SAMD4B: variants seen among roughly 807,000 people sequenced by gnomAD.
SAMD4B encodes the protein protein Smaug homolog 2.
Under a neutral mutation model 74.5 loss-of-function variants are expected in SAMD4B, and 5 were observed. That is an observed-to-expected ratio of 0.07 (90% CI 0.04 to 0.14). The LOEUF (loss-of-function observed/expected upper bound fraction) is 0.14. Among genes scored for constraint, SAMD4B ranks in the 10% least tolerant of loss-of-function variants. The probability of loss-of-function intolerance (pLI) is 1.00; values close to 1 mark genes in which losing one functional copy is unlikely to be tolerated. For missense variants in SAMD4B, 608 were observed against 921.8 expected (o/e 0.66, Z 4.41); for synonymous variants, 373 against 374.9 (o/e 1.00, Z 0.06).
intron 3 of SAMD4B, among the ~76,000 whole-genome samples, chr19:39,368,084 G>A (rs1050440796): frequency 2.0e-5 from 3 of 151,888 alleles, no homozygotes; most frequent in African/African-American, 7.2e-5. Flanking sequence ...CGTGGTGGTG[G>A]GCGCCTGTAG....
downstream of SAMD4B, chr19:39,390,087 T>C: frequency 6.2e-7 from 1 of 1,612,970 alleles, no homozygotes; most frequent in Non-Finnish European, 8.5e-7. Flanking sequence ...GTCGAAGGGG[T>C]AGGTGATGAA....
At chr19:39,345,980 G>C (rs1392754034) in intron 1 of SAMD4B, among the ~76,000 whole-genome samples, 6 of 151,884 alleles carry the variant, frequency 4.0e-5, no homozygotes, top group Admixed American at 3.9e-4. Flanking sequence ...CAAGTCCTTT[G>C]CCTGGTGACC....
chr19:39,386,489 C>G (rs962280800), downstream of SAMD4B: 1 of 1,614,052 alleles, frequency 6.2e-7, no homozygotes. The surrounding 1 kb of genome is among the most constrained non-coding windows in gnomAD (Gnocchi z 6.1). Flanking sequence ...TACCTGAGCC[C>G]CCAGCTTCTT....
intron 12 of SAMD4B, among the ~76,000 whole-genome samples, chr19:39,381,735 A>G (rs1208604480): frequency 6.6e-6 from 1 of 152,196 alleles, no homozygotes; most frequent in African/African-American, 2.4e-5. Flanking sequence ...GTTTGAGACC[A>G]GTCTGGACAA....
chr19:39,381,966 A>C (rs2078017888), intron 12 of SAMD4B, among the ~76,000 whole-genome samples: 1 of 152,210 alleles, frequency 6.6e-6, no homozygotes, highest in Non-Finnish European at 1.5e-5. Context: ...AAGGAAGATT[A>C]GAGACTTGCT....
chr19:39,370,245 T>G, intron 4 of SAMD4B, 120 bp downstream of exon 4: 1 of 938,430 alleles, frequency 1.1e-6, no homozygotes, highest in African/African-American at 1.6e-5. Flanking sequence ...GCCTCAACTT[T>G]ATGAGGCAAT....
At chr19:39,363,324 C>T (rs144389532) in intron 3 of SAMD4B, among the ~76,000 whole-genome samples, 141 of 152,304 alleles carry the variant, frequency 9.3e-4, no homozygotes, top group African/African-American at 3.2e-3. Flanking sequence ...TCCCCAGCCC[C>T]TTCCCCCATC....
chr19:39,358,195 C>T (rs773766800), intron 3 of SAMD4B, among the ~76,000 whole-genome samples: 21 of 152,124 alleles, frequency 1.4e-4, no homozygotes, highest in Non-Finnish European at 2.2e-4. Context: ...CGCTTGAACC[C>T]GGGAGGCGGA....
intron 10 of SAMD4B, 102 bp from the exon 11 acceptor site, chr19:39,380,485 T>A (rs545508124): frequency 1.2e-5 from 15 of 1,221,252 alleles, no homozygotes; most frequent in Admixed American, 8.5e-5. Context: ...TGGAGGTTTA[T>A]GTTCTCTCCT....
downstream of SAMD4B, chr19:39,390,692 C>T: frequency 9.8e-7 from 1 of 1,018,108 alleles, no homozygotes; most frequent in African/African-American, 1.6e-5. Flanking sequence ...CAGAAGGAAC[C>T]CGCCCCCTTC....
rs2077190316 is a variant in SAMD4B at position 39,369,992 on chromosome 19, T to C, written c.534T>C (p.Pro178=). The C allele has an allele frequency of 1.2e-6, 2 of 1,613,164 alleles. No homozygotes were observed. The highest frequency in any genetic ancestry group is 1.7e-5 in the Admixed American group (1 of 59,898). The change falls in exon 4 of 14, where the codon CCT becomes CCC. Residue 178 remains proline (P), a synonymous_variant. Coordinates refer to ENST00000610417, the MANE Select transcript of SAMD4B (RefSeq NM_001384574.2). ...AAGGCTCAGATGAGTGGGGGGGCCC[T>C]GCAGAGCTAGGCCCTGGGGAGGCAG... ...SRQGSDEWGG[P]AELGPGEAGP...
chr19:39,361,028 C>T (rs965154185), intron 3 of SAMD4B, among the ~76,000 whole-genome samples: 12 of 152,122 alleles, frequency 7.9e-5, no homozygotes, highest in South Asian at 4.1e-4. Flanking sequence ...CTGGGTCAGT[C>T]CTGCCTGACC....
At position 39,380,627 on chromosome 19, in the gene SAMD4B, G is replaced by C. The variant is rs1262744447; in HGVS notation, c.1690G>C (p.Val564Leu). Reference protein sequence around the residue: ...GSNSLPIAGSVGMGVARRTQR... With the variant: ...GSNSLPIAGSLGMGVARRTQR... ...CAACTCGCTCCCCATAGCTGGCTCT[G>C]TGGGGATGGGAGTGGCCCGGCGTAC... Residue 564 changes from valine to leucine, a missense_variant, in exon 11 of 14, where the codon GTG (valine) becomes CTG (leucine). Val to Leu is a conservative substitution (Grantham distance 32). This residue lies in a region of SAMD4B where 167 missense variants were observed against 193.0 expected (regional missense o/e 0.87). Coordinates refer to ENST00000610417, the MANE Select transcript of SAMD4B (RefSeq NM_001384574.2). 6.2e-7 allele frequency: 1 copy of C among 1,614,046 alleles called. No homozygotes were observed. Among genetic ancestry groups the C allele is most frequent in the African/African-American group, 1.3e-5 (1 of 74,950 alleles).
intron 1 of SAMD4B, among the ~76,000 whole-genome samples, chr19:39,347,160 A>G (rs2145201607): frequency 6.6e-6 from 1 of 152,248 alleles, no homozygotes; most frequent in Middle Eastern, 3.4e-3. Context: ...TTTCTCAGTC[A>G]TCTCCTCCCA....
At chr19:39,386,522 T>C (rs762704308), downstream of SAMD4B, 1 of 1,614,174 alleles carries the variant, frequency 6.2e-7, no homozygotes, top group East Asian at 2.2e-5. The surrounding 1 kb of genome is among the most constrained non-coding windows in gnomAD (Gnocchi z 6.1). Context: ...CCATCTCCTC[T>C]TCCTCTTCCT....
intron 1 of SAMD4B, among the ~76,000 whole-genome samples, chr19:39,343,463 C>T (rs1210257451): frequency 6.6e-6 from 1 of 151,406 alleles, no homozygotes; most frequent in Non-Finnish European, 1.5e-5. Flanking sequence ...CTAGAAGACT[C>T]CATCCCCCTC....
chr19:39,377,950 A>G lies in SAMD4B; in HGVS notation c.1444+126A>G, dbSNP rs115658327. ...TGTAAAGCCTACTGGAGACTGGAACACTACAGAGAGTAGCCAAGACAGGGT... is the reference window on the plus strand; with the variant it reads ...TGTAAAGCCTACTGGAGACTGGAACGCTACAGAGAGTAGCCAAGACAGGGT... On this transcript the variant is annotated intron_variant, in intron 8 of 13. Transcript: ENST00000610417. 4,196 of 936,216 alleles carry G rather than the reference A, an allele frequency of 4.5e-3. 103 individuals carry two copies. The African/African-American group carries it at 0.056, about 12-fold the overall frequency. The allele number at this position is 936,216 out of a possible 1,614,324, so 58.0% of individuals were successfully genotyped here.
At chr19:39,370,440 C>T (rs188498218) in intron 4 of SAMD4B, among the ~76,000 whole-genome samples, 2 of 152,192 alleles carry the variant, frequency 1.3e-5, no homozygotes, top group African/African-American at 4.8e-5. Flanking sequence ...GTCAAAAGAT[C>T]TAGCAACTCA....
At chr19:39,360,788 GCAT>G (rs2076600998) in intron 3 of SAMD4B, among the ~76,000 whole-genome samples, 1 of 152,116 alleles carries the variant, frequency 6.6e-6, no homozygotes, top group East Asian at 1.9e-4. Flanking sequence ...TCTCAAACTT[GCAT>G]CATCATCAGA....
Sources: gnomAD v4.1 joint callset for allele counts (sites outside exome capture counted in the v4.1 genomes callset) on GRCh38, gnomAD v4.1.1 for gene constraint, gnomAD v4.1.1 regional missense constraint, Gnocchi (gnomAD v3.1) non-coding constraint, MANE v1.5 for transcripts, NCBI Gene and HGNC (gene_info 2026-07-23, HGNC 2026-07-21) for gene names.